The following TPR variants were observed in gnomAD, a reference collection of about 807,000 sequenced individuals.
TPR encodes the protein translocated promoter region, nuclear basket protein, also known as nucleoprotein TPR.
In TPR, 51 loss-of-function variants were observed where a neutral mutation model predicts 316.1. That is an observed-to-expected ratio of 0.16 (90% CI 0.13 to 0.20). The LOEUF (loss-of-function observed/expected upper bound fraction) is 0.20, where lower values mean the gene tolerates loss of function less well. Ranked by LOEUF, TPR falls within the 10% of genes least tolerant of loss-of-function variation. The pLI is 1.00. For missense variants in TPR, 2,272 were observed against 2,754.8 expected (o/e 0.82, Z 3.92); for synonymous variants, 981 against 914.7 (o/e 1.07, Z -1.31).
At chr1:186,324,994 T>C (rs1054365831) in intron 42 of TPR, among the ~76,000 whole-genome samples, 2 of 152,146 alleles carry the variant, frequency 1.3e-5, no homozygotes, top group Non-Finnish European at 2.9e-5. Flanking sequence ...TTACCTATTA[T>C]ATGGCTTAAT....
At chr1:186,334,609 G>C in intron 35 of TPR, 76 bp from the exon 36 acceptor site, 1 of 1,438,588 alleles carries the variant, frequency 7.0e-7, no homozygotes, top group Non-Finnish European at 9.4e-7. Flanking sequence ...AGTGAGTATA[G>C]GTCTCCATTT....
chr1:186,312,784 A>C lies in TPR; in HGVS notation c.*1187T>G. The C allele has an allele frequency of 1.9e-6, 3 of 1,613,066 alleles. No individual in the cohort carries two copies. ...CCACTTACAGGTGTCCTTCATAATG[A>C]AGTTAAAGTGAGTATACTGTGGAGA... On this transcript the variant is annotated 3_prime_UTR_variant, in exon 51 of 51. Coordinates refer to ENST00000367478, the MANE Select transcript of TPR (RefSeq NM_003292.3).
chr1:186,349,983 T>C (rs564823451), intron 21 of TPR, among the ~76,000 whole-genome samples: 242 of 152,308 alleles, frequency 1.6e-3, no homozygotes, highest in Non-Finnish European at 2.6e-3. Flanking sequence ...ATTAGAAAGC[T>C]GGGTACATAC....
chr1:186,314,973 C>T (rs933987385), intron 49 of TPR, among the ~76,000 whole-genome samples: 3 of 151,878 alleles, frequency 2.0e-5, no homozygotes, highest in Admixed American at 6.6e-5. Context: ...TCGAGACCAG[C>T]CTGGGCAACA....
At chr1:186,355,852 T>C in intron 15 of TPR, 84 bp from the exon 16 acceptor site, 3 of 1,471,838 alleles carry the variant, frequency 2.0e-6, no homozygotes, top group Non-Finnish European at 2.8e-6. Flanking sequence ...AAATACACTA[T>C]TATCAAATAA....
intron 13 of TPR, among the ~76,000 whole-genome samples, chr1:186,357,936 T>A (rs1340311556): frequency 6.6e-6 from 1 of 152,178 alleles, no homozygotes; most frequent in Non-Finnish European, 1.5e-5. Flanking sequence ...TTTTTTTGTG[T>A]GTGCTTTTGT....
At chr1:186,330,383 C>T (rs1295933563) in intron 39 of TPR, among the ~76,000 whole-genome samples, 1 of 152,106 alleles carries the variant, frequency 6.6e-6, no homozygotes, top group Admixed American at 6.6e-5. Context: ...CTGCAGACAC[C>T]TTAAGCTAGT....
chr1:186,338,200 G>C lies in TPR; in HGVS notation c.4195C>G (p.Leu1399Val). The change falls in exon 31 of 51, where the codon CTG (leucine) becomes GTG (valine). Residue 1399 changes from leucine (L) to valine (V), a missense_variant. By Grantham distance (32) the Leu-to-Val change is conservative (BLOSUM62 1). Transcript: ENST00000367478. ...CTTACTTTATTTAGATCTTCCTTCA[G>C]ACTCTGAATTAAGTTCTGGTTGTTA... ...LTNNQNLIQS[L>V]KEDLNKVRTE... The C allele has an allele frequency of 2.5e-6, 4 of 1,612,432 alleles. 1 individual carries two copies. In the South Asian group the frequency reaches 4.4e-5, roughly 18 times the overall value.
chr1:186,316,031 T>C (rs990574126), intron 49 of TPR, among the ~76,000 whole-genome samples: 1 of 151,668 alleles, frequency 6.6e-6, no homozygotes. Context: ...AGTACAGTTT[T>C]ACATTATCAA....
In TPR at chr1:186,363,390, T is replaced by C; in HGVS notation, c.483A>G (p.Glu161=). 6.2e-7 allele frequency: 1 copy of C among 1,612,848 alleles called. No homozygotes were observed. Among genetic ancestry groups the C allele is most frequent in the Non-Finnish European group, 8.5e-7 (1 of 1,179,176 alleles). ...GAAGTTCATCCAATTTTAACTGAAG[T>C]TCACCCTTTGTTGTATTGCTTTCTT... ...KLKESNTTKG[E]LQLKLDELQA... Residue 161 remains glutamate (E), a synonymous_variant, in exon 5 of 51, where the codon GAA becomes GAG. Coordinates refer to ENST00000367478, the MANE Select transcript of TPR (RefSeq NM_003292.3).
Position 186,333,152 on chromosome 1 carries a change from G to T in TPR, c.5425C>A (p.Pro1809Thr), listed in dbSNP as rs1370793466. The T allele has an allele frequency of 1.4e-5, 23 of 1,613,272 alleles. No homozygotes were observed. Among genetic ancestry groups the T allele is most frequent in the Middle Eastern group, 3.3e-4 (2 of 6,076 alleles). The part of the protein sequence containing the change: ...EVVQSSPVER[P>T]STSTAVFGTV... ...CCAAATACTGCTGTGGAAGTAGAAG[G>T]CCGCTCAACTGGTGAACTCTGAACA... Residue 1809 changes from proline (P) to threonine (T), a missense_variant, in exon 37 of 51, where the codon CCT (proline) becomes ACT (threonine). Transcript: ENST00000367478.
intron 17 of TPR, among the ~76,000 whole-genome samples, chr1:186,354,968 A>G (rs756103242): frequency 1.4e-4 from 21 of 152,118 alleles, no homozygotes; most frequent in African/African-American, 3.6e-4. Context: ...AGTGGCCCCA[A>G]TCTTGGCTCA....
In TPR at chr1:186,323,784, C is replaced by T. The variant is rs780444606; in HGVS notation, c.6199G>A (p.Ala2067Thr). The change falls in exon 43 of 51, where the codon GCC becomes ACC. Residue 2067 changes from alanine to threonine, a missense_variant. Coordinates refer to ENST00000367478, the MANE Select transcript of TPR (RefSeq NM_003292.3). The part of the protein sequence containing the change: ...QQPSSASERQ[A>T]PRAPQSPRRP... ...CTCGGTGACTGAGGTGCTCGAGGGG[C>T]CTGTCTTTCAGATGCTGATGATGGC... The T allele has an allele frequency of 1.1e-5, 17 of 1,542,414 alleles. No homozygotes were observed. In the South Asian group the frequency reaches 1.6e-4, roughly 15 times the overall value.
chr1:186,338,008 T>G, intron 31 of TPR, 25 bp downstream of exon 31: 4 of 1,530,638 alleles, frequency 2.6e-6, no homozygotes, highest in Non-Finnish European at 2.6e-6. Flanking sequence ...AGTTTTTTTT[T>G]GTAAGATAAG....
At position 186,345,623 on chromosome 1, in the gene TPR, G is replaced by C. The variant is rs757185810; in HGVS notation, c.3170C>G (p.Ala1057Gly). The change falls in exon 24 of 51, where the codon GCT (alanine) becomes GGT (glycine). Residue 1057 changes from alanine to glycine, a missense_variant. Ala to Gly is a moderately conservative substitution (Grantham distance 60). Coordinates refer to ENST00000367478, the MANE Select transcript of TPR (RefSeq NM_003292.3). ...TCTGGCTTGCTGCTCATTACTTAAA[G>C]CTGTGCTTGCTCTCTGAAGAGCTTC... is the stretch of plus-strand genomic sequence containing the variant. ...VQEALQRAST[A>G]LSNEQQARRD... 19 of 1,613,538 alleles carry C rather than the reference G, an allele frequency of 1.2e-5. No individual in the cohort carries two copies. In the African/African-American group the frequency reaches 2.1e-4, roughly 18 times the overall value.
chr1:186,318,566 C>T lies in TPR; in HGVS notation c.6702G>A (p.Ser2234=), dbSNP rs779932584. 9.9e-6 allele frequency: 16 copies of T among 1,613,574 alleles called. No individual in the cohort carries two copies. The highest frequency in any genetic ancestry group is 5.3e-5 in the African/African-American group (4 of 74,844). ...VFTESTTSDA[S]EHASQSVPMV... ...TTGGAACAGATTGAGAGGCATGTTC[C>T]GAAGCATCAGAGGTGGTGCTCTCAG... is the stretch of plus-strand genomic sequence containing the variant. Residue 2234 remains serine, a synonymous_variant, in exon 48 of 51, where the codon TCG becomes TCA. Coordinates refer to ENST00000367478, the MANE Select transcript of TPR (RefSeq NM_003292.3).
intron 49 of TPR, among the ~76,000 whole-genome samples, chr1:186,315,432 C>A (rs1211931859): frequency 1.3e-5 from 2 of 152,046 alleles, no homozygotes; most frequent in African/African-American, 2.4e-5. Flanking sequence ...TTTTCAGACA[C>A]CCCAAATGCA....
intron 3 of TPR, among the ~76,000 whole-genome samples, chr1:186,370,613 AAATTTG>A (rs1659492353): frequency 6.6e-6 from 1 of 151,834 alleles, no homozygotes; most frequent in South Asian, 2.1e-4. Flanking sequence ...TTTAATTAAC[AAATTTG>A]TCAGCAATCC....
At position 186,355,717 on chromosome 1, in the gene TPR, G is replaced by A; in HGVS notation, c.1940C>T (p.Thr647Ile). The A allele has an allele frequency of 1.9e-6, 3 of 1,614,120 alleles. No homozygotes were observed. Among genetic ancestry groups the A allele is most frequent in the Non-Finnish European group, 2.5e-6 (3 of 1,180,006 alleles). Residue 647 changes from threonine (T) to isoleucine (I), a missense_variant, in exon 16 of 51, where the codon ACA (threonine) becomes ATA (isoleucine). Coordinates refer to ENST00000367478, the MANE Select transcript of TPR (RefSeq NM_003292.3). ...AGCAGGAGTGGAAACAGTCTGTGAT[G>A]TACTTGGACGTTTTGGAGTTGATGC... ...SLASTPKRPS[T>I]SQTVSTPAPV...
Sources: allele counts gnomAD v4.1 joint callset (sites outside exome capture counted in the v4.1 genomes callset), GRCh38; gene constraint gnomAD v4.1.1; transcripts MANE v1.5; gene names NCBI Gene and HGNC (gene_info 2026-07-23, HGNC 2026-07-21).